The following GALNT2 variants were observed in gnomAD, a reference collection of about 807,000 sequenced individuals.
GALNT2 encodes the protein polypeptide N-acetylgalactosaminyltransferase 2, also known as UDP-GalNAc:polypeptide N-acetylgalactosaminyltransferase 2.
Under a neutral mutation model 81.4 loss-of-function variants are expected in GALNT2, and 31 were observed. The observed-to-expected ratio is 0.38, with a 90% CI of 0.29 to 0.51. The LOEUF (loss-of-function observed/expected upper bound fraction) is 0.51. GALNT2 is among the 20% of genes least tolerant of loss of function. The probability of loss-of-function intolerance (pLI) is 0.87; values close to 1 mark genes in which losing one functional copy is unlikely to be tolerated. For missense variants in GALNT2, 629 were observed against 765.7 expected (o/e 0.82, Z 2.11); for synonymous variants, 303 against 287.4 (o/e 1.05, Z -0.55).
intron 3 of GALNT2, among the ~76,000 whole-genome samples, chr1:230,219,222 A>T (rs1250215615): frequency 6.6e-6 from 1 of 152,194 alleles, no homozygotes; most frequent in Non-Finnish European, 1.5e-5. Context: ...CTTTAAACCA[A>T]ATCTTTTTTA....
chr1:230,202,961 G>A (rs1030214941), intron 2 of GALNT2, among the ~76,000 whole-genome samples, 176 bp from the exon 3 acceptor site: 2 of 152,162 alleles, frequency 1.3e-5, no homozygotes, highest in Non-Finnish European at 2.9e-5. Context: ...CTATTCTCTG[G>A]GTTGTAGACA....
rs146400942 is a variant in GALNT2, at chr1:230,228,707, T to C, written c.375-7307T>C. On this transcript the variant is annotated intron_variant, in intron 3 of 15. Coordinates refer to ENST00000366672, the MANE Select transcript of GALNT2 (RefSeq NM_004481.5). ...AATCACTGTGACTCTGCAGTAACGC[T>C]TCATGGCTCCTCGGGCATGTTGCCC... 3.3e-3 allele frequency among the ~76,000 whole-genome samples: 508 copies of C among 152,142 alleles called. 5 individuals carry two copies. The highest frequency in any genetic ancestry group is 0.012 in the African/African-American group (486 of 41,540).
At chr1:230,232,111 C>T (rs936875147) in intron 3 of GALNT2, among the ~76,000 whole-genome samples, 1 of 152,102 alleles carries the variant, frequency 6.6e-6, no homozygotes, top group East Asian at 1.9e-4. Context: ...AAAATTTATT[C>T]TTTTTCTTTT....
chr1:230,243,225 G>A lies in GALNT2; in HGVS notation c.608-81G>A. 1 of 1,486,238 alleles carries A rather than the reference G, an allele frequency of 6.7e-7. No homozygotes were observed. Among genetic ancestry groups the A allele is most frequent in the Non-Finnish European group, 8.9e-7 (1 of 1,120,966 alleles). 92.1% of individuals were successfully genotyped at this position (1,486,238 alleles called of 1,614,324 possible). A position where few individuals can be genotyped will look rare whatever the true frequency, so the allele number is the denominator to read the frequency against. On this transcript the variant is annotated intron_variant, in intron 6 of 15. Coordinates refer to ENST00000366672, the MANE Select transcript of GALNT2 (RefSeq NM_004481.5). The surrounding 1 kb of genome is among the most constrained non-coding windows in gnomAD (Gnocchi z 4.2). ...AAGCAGGCTGCAGAGCTGCGGGCAG[G>A]GAGGCGTCGCCGGTTGGCATGGGGT...
At chr1:230,185,307 C>CGCGCGT (rs773933372) in intron 2 of GALNT2, among the ~76,000 whole-genome samples, 4 of 128,126 alleles carry the variant, frequency 3.1e-5, no homozygotes, top group South Asian at 2.6e-4. Context: ...TGTGTGCGCG[C>CGCGCGT]GTGTGTGTGT....
At chr1:230,098,342 T>A (rs1284456477) in intron 1 of GALNT2, among the ~76,000 whole-genome samples, 1 of 152,076 alleles carries the variant, frequency 6.6e-6, no homozygotes, top group African/African-American at 2.4e-5. Context: ...GCATTCTTTT[T>A]AGAATGCATG....
rs905806213 is a variant in GALNT2, at chr1:230,211,630, T to C, written c.374+8340T>C. Reference sequence around the variant, plus strand: ...ACCCCATCTTAAAAAACAATTACTCTAGTGTGGTGGTGTGCACCTGTACTC... The same window carrying C: ...ACCCCATCTTAAAAAACAATTACTCCAGTGTGGTGGTGTGCACCTGTACTC... On this transcript the variant is annotated intron_variant, in intron 3 of 15. Transcript: ENST00000366672. Among the ~76,000 whole-genome samples, 7 of 152,044 alleles carry C rather than the reference T, an allele frequency of 4.6e-5. No homozygotes were observed. The East Asian group carries it at 5.8e-4, about 13-fold the overall frequency.
intron 1 of GALNT2, among the ~76,000 whole-genome samples, chr1:230,058,282 G>A (rs1233233688): frequency 1.3e-5 from 2 of 152,150 alleles, no homozygotes; most frequent in African/African-American, 2.4e-5. Context: ...CTGGCGGCAC[G>A]GCGACATATT....
At position 230,281,206 on chromosome 1, in the gene GALNT2, CAT is replaced by C. The variant is rs1479865460; in HGVS notation, c.*1749_*1750del. ...GTCTTCCTCCCCGGCGGGAGCCCCA[CAT>C]GTGTGCACTGTAGGACAGCGGCCCC... On this transcript the variant is annotated 3_prime_UTR_variant, in exon 16 of 16. Transcript: ENST00000366672. The C allele has an allele frequency of 2.6e-5, 4 of 152,308 alleles. No homozygotes were observed. The highest frequency in any genetic ancestry group is 5.9e-5 in the Non-Finnish European group (4 of 68,156). The allele number at this position is 152,308 out of a possible 1,614,324, so 9.4% of individuals were successfully genotyped here.
intron 2 of GALNT2, among the ~76,000 whole-genome samples, chr1:230,179,545 A>G (rs1374944009): frequency 2.6e-5 from 4 of 152,136 alleles, no homozygotes; most frequent in Non-Finnish European, 2.9e-5. Flanking sequence ...CAATTCTCTA[A>G]TGACATATGA....
intron 15 of GALNT2, among the ~76,000 whole-genome samples, chr1:230,276,345 C>T (rs1666308331): frequency 6.6e-6 from 1 of 152,126 alleles, no homozygotes; most frequent in Non-Finnish European, 1.5e-5. Flanking sequence ...AAGGTCCTCC[C>T]TGTATGCCCA....
intron 3 of GALNT2, among the ~76,000 whole-genome samples, chr1:230,235,215 A>G (rs1461942190): frequency 8.2e-5 from 3 of 36,658 alleles, no homozygotes; most frequent in African/African-American, 3.5e-4. Context: ...CCCTGTCTCA[A>G]AAAAAAAAAA....
chr1:230,235,950 G>A (rs1290670449), intron 3 of GALNT2, 64 bp from the exon 4 acceptor site: 3 of 1,485,388 alleles, frequency 2.0e-6, no homozygotes, highest in African/African-American at 2.8e-5. Flanking sequence ...TTCTCTGAAG[G>A]GCTAAACAAG....
chr1:230,127,348 A>G (rs952726610), intron 1 of GALNT2, among the ~76,000 whole-genome samples: 5 of 151,970 alleles, frequency 3.3e-5, no homozygotes, highest in Non-Finnish European at 7.4e-5. Flanking sequence ...GACTCTCTTA[A>G]TAGTGTAGTT....
chr1:230,118,424 C>T (rs1345668548), intron 1 of GALNT2, among the ~76,000 whole-genome samples: 1 of 152,248 alleles, frequency 6.6e-6, no homozygotes, highest in African/African-American at 2.4e-5. Flanking sequence ...TAAGATCCTG[C>T]CAAACTGTCT....
intron 3 of GALNT2, among the ~76,000 whole-genome samples, chr1:230,221,868 G>A (rs1664555959): frequency 6.6e-6 from 1 of 151,950 alleles, no homozygotes; most frequent in South Asian, 2.1e-4. Flanking sequence ...TTGGCATAGT[G>A]TTATATGTAT....
chr1:230,065,861 ACAAGGCTCCTT>A (rs1659161068), upstream of GALNT2, among the ~76,000 whole-genome samples: 1 of 152,204 alleles, frequency 6.6e-6, no homozygotes. Flanking sequence ...TTTCCCAGAA[ACAAGGCTCCTT>A]CAAGCCTCTC....
intron 8 of GALNT2, among the ~76,000 whole-genome samples, chr1:230,248,439 G>T (rs889477752): frequency 6.6e-6 from 1 of 152,138 alleles, no homozygotes; most frequent in Admixed American, 6.5e-5. Flanking sequence ...CGCAGGTGGA[G>T]CCTGCTGGCC....
intron 1 of GALNT2, among the ~76,000 whole-genome samples, chr1:230,082,579 A>G (rs1659768051): frequency 6.6e-6 from 1 of 152,216 alleles, no homozygotes; most frequent in Non-Finnish European, 1.5e-5. Context: ...AGTACCTTTT[A>G]TCACTTCTGT....
Sources: gnomAD v4.1 joint callset for allele counts (sites outside exome capture counted in the v4.1 genomes callset) on GRCh38, gnomAD v4.1.1 for gene constraint, Gnocchi (gnomAD v3.1) non-coding constraint, MANE v1.5 for transcripts, NCBI Gene and HGNC (gene_info 2026-07-23, HGNC 2026-07-21) for gene names.